C2CD3: variants seen among roughly 807,000 people sequenced by gnomAD.
C2CD3 encodes the protein C2 domain containing 3 centriole elongation regulator.
A neutral mutation model predicts 234.0 loss-of-function variants in C2CD3; 148 were observed. That is an observed-to-expected ratio of 0.63 (90% CI 0.55 to 0.72). The LOEUF (loss-of-function observed/expected upper bound fraction) is 0.72, where lower values mean the gene tolerates loss of function less well. Among genes scored for constraint, C2CD3 ranks in the 30% least tolerant of loss-of-function variants. C2CD3 has a pLI of 0.00. For missense variants in C2CD3, 2,577 were observed against 2,811.5 expected, an observed-to-expected ratio of 0.92 and a Z score of 1.89; for synonymous variants, 1,000 against 1,035.4, an observed-to-expected ratio of 0.97 and a Z score of 0.66.
At chr11:74,125,616 G>A (rs545032818) in intron 7 of C2CD3, among the ~76,000 whole-genome samples, 11 of 152,152 alleles carry the variant, frequency 7.2e-5, no homozygotes, top group Non-Finnish European at 1.3e-4. Context: ...TCTCTATTTA[G>A]TTATATTACA....
chr11:74,130,766 T>C (rs1306767270), intron 7 of C2CD3, among the ~76,000 whole-genome samples: 3 of 152,192 alleles, frequency 2.0e-5, no homozygotes, highest in Admixed American at 2.0e-4. Context: ...AGCTTTAAAA[T>C]TGGAAAGTGT....
chr11:74,050,884 G>A (rs562758046), intron 26 of C2CD3, among the ~76,000 whole-genome samples: 6 of 151,560 alleles, frequency 4.0e-5, no homozygotes, highest in Non-Finnish European at 5.9e-5. Flanking sequence ...GGACAAAGGA[G>A]CAGTGTGCCA....
chr11:74,057,236 C>A (rs1043577545), intron 25 of C2CD3, among the ~76,000 whole-genome samples, 170 bp downstream of exon 25: 1 of 152,200 alleles, frequency 6.6e-6, no homozygotes, highest in Admixed American at 6.5e-5. Context: ...AACCTTTAAA[C>A]CACTGCTTCC....
chr11:74,079,057 T>C (rs1955207941), intron 22 of C2CD3, among the ~76,000 whole-genome samples: 1 of 152,134 alleles, frequency 6.6e-6, no homozygotes, highest in Admixed American at 6.5e-5. Flanking sequence ...GTTATGATTG[T>C]CCAATGAGAT....
intron 28 of C2CD3, among the ~76,000 whole-genome samples, chr11:74,045,919 T>A (rs1481408622): frequency 2.6e-5 from 4 of 152,202 alleles, no homozygotes; most frequent in African/African-American, 9.6e-5. Context: ...GAAATACAAT[T>A]GATTTTGCTT....
In C2CD3 at chr11:74,138,968, CT is replaced by C. The variant is rs2135543856; in HGVS notation, c.708-2del. The C allele has an allele frequency of 1.9e-6, 3 of 1,601,752 alleles. No individual in the cohort carries two copies. Among genetic ancestry groups the C allele is most frequent in the Non-Finnish European group, 2.6e-6 (3 of 1,173,476 alleles). The stretch of plus-strand genomic sequence containing the variant: ...TGCAAAGCATACATGGTCTTTTCCC[CT>C]GTTTTTTTAAAAAGGGAGAACATCA... On this transcript the variant is annotated splice_acceptor_variant, in intron 4 of 32. Coordinates refer to ENST00000334126, the MANE Select transcript of C2CD3 (RefSeq NM_001286577.2). LOFTEE classifies it high-confidence loss of function.
At chr11:74,054,194 C>T (rs1249642184) in intron 26 of C2CD3, among the ~76,000 whole-genome samples, 2 of 150,914 alleles carry the variant, frequency 1.3e-5, no homozygotes, top group Non-Finnish European at 2.9e-5. Context: ...ATGGCGTGAA[C>T]CTGGGAGGCG....
chr11:74,091,710 T>G (rs1955900082), intron 19 of C2CD3, among the ~76,000 whole-genome samples: 1 of 152,192 alleles, frequency 6.6e-6, no homozygotes, highest in Non-Finnish European at 1.5e-5. Flanking sequence ...CAATCCCCTA[T>G]CTGCTCATGT....
intron 11 of C2CD3, among the ~76,000 whole-genome samples, chr11:74,110,967 C>T (rs1425863210): frequency 6.6e-6 from 1 of 152,178 alleles, no homozygotes; most frequent in African/African-American, 2.4e-5. Context: ...TTGCTCAATG[C>T]TTATTCCACA....
intron 27 of C2CD3, 78 bp downstream of exon 27, chr11:74,049,259 G>C (rs1953552255): frequency 4.1e-6 from 5 of 1,211,976 alleles, no homozygotes; most frequent in Middle Eastern, 2.0e-4. Context: ...AAGCCGGAGA[G>C]TGCCAAACAT....
At position 74,074,460 on chromosome 11, in the gene C2CD3, A is replaced by G; in HGVS notation, c.4744T>C (p.Ser1582Pro). ...TCATTCCTTCTGGGGAGCTGCTCAG[A>G]CTCACTGTGGCTGCTGCAGTCCATG... ...DSMDCSSHSE[S>P]EQLPRRNDEV... The change falls in exon 24 of 33, where the codon TCT (serine) becomes CCT (proline). Residue 1582 changes from serine to proline, a missense_variant. Coordinates refer to ENST00000334126, the MANE Select transcript of C2CD3 (RefSeq NM_001286577.2). 3 of 1,614,104 alleles carry G rather than the reference A, an allele frequency of 1.9e-6. No homozygotes were observed. Among genetic ancestry groups the G allele is most frequent in the Non-Finnish European group, 2.5e-6 (3 of 1,179,998 alleles).
intron 31 of C2CD3, among the ~76,000 whole-genome samples, chr11:74,030,783 T>C (rs1313621559): frequency 2.0e-5 from 3 of 152,202 alleles, no homozygotes; most frequent in Non-Finnish European, 4.4e-5. Flanking sequence ...TACAGGCACA[T>C]GCCCCAAACG....
Position 74,161,499 on chromosome 11 carries a change from C to A in C2CD3, c.383G>T (p.Arg128Ile). 6.3e-7 allele frequency: 1 copy of A among 1,597,756 alleles called. No homozygotes were observed. The highest frequency in any genetic ancestry group is 8.5e-7 in the Non-Finnish European group (1 of 1,171,282). The change falls in exon 3 of 33, where the codon AGA becomes ATA. Residue 128 changes from arginine (R) to isoleucine (I), a missense_variant. Arg to Ile is a moderately conservative substitution (Grantham distance 97). Transcript: ENST00000334126. ...ITKLDGLPIG[R>I]VQINGLAQLS... ...TTGAGCTAGTCCATTGATCTGAACT[C>A]TACCAATTGGAAGACCATCAAGTTT...
In C2CD3 at chr11:74,033,419, G is replaced by A. The variant is rs747969385; in HGVS notation, c.6741C>T (p.Asp2247=). ...CCTGCCTCTGCCTGATGTCAGAGGA[G>A]TCGATGGGTGGTCCCTTATGGTTTT... ...RRENHKGPPI[D]SSDIRQRQVT... The change falls in exon 31 of 33, where the codon GAC becomes GAT. Residue 2247 remains aspartate (D), a synonymous_variant. Transcript: ENST00000334126. The A allele has an allele frequency of 1.7e-5, 26 of 1,536,070 alleles. 1 individual carries two copies. The South Asian group carries it at 2.7e-4, about 16-fold the overall frequency.
Position 74,113,902 on chromosome 11 carries a change from A to G in C2CD3, c.1731-10T>C, listed in dbSNP as rs923454184. The G allele has an allele frequency of 6.8e-7, 1 of 1,479,638 alleles. No homozygotes were observed. The highest frequency in any genetic ancestry group is 9.2e-7 in the Non-Finnish European group (1 of 1,083,440). The allele number at this position is 1,479,638 out of a possible 1,614,324, so 91.7% of individuals were successfully genotyped here. A position where few individuals can be genotyped will look rare whatever the true frequency, so the allele number is the denominator to read the frequency against. On this transcript the variant is annotated splice_polypyrimidine_tract_variant and intron_variant, in intron 10 of 32. Transcript: ENST00000334126. ...TTCTACAAAGAAAGTGCTAAAAAGA[A>G]AAAAAAAGTGATTAAAAACTAACCA... is the stretch of plus-strand genomic sequence containing the variant.
intron 2 of C2CD3, among the ~76,000 whole-genome samples, chr11:74,163,470 C>A (rs905769991): frequency 3.9e-5 from 6 of 152,194 alleles, no homozygotes; most frequent in Non-Finnish European, 8.8e-5. Flanking sequence ...CCCCATGTGT[C>A]ATGGGAAGGA....
intron 28 of C2CD3, among the ~76,000 whole-genome samples, chr11:74,046,941 T>C (rs1953404305): frequency 6.6e-6 from 1 of 152,220 alleles, no homozygotes. Flanking sequence ...AGCTAATGTA[T>C]ATAAAGTCCA....
At chr11:74,151,146 G>A (rs1855624261) in intron 3 of C2CD3, among the ~76,000 whole-genome samples, 1 of 151,958 alleles carries the variant, frequency 6.6e-6, no homozygotes, top group Admixed American at 6.6e-5. Flanking sequence ...GGCTGATCTC[G>A]AACTCCTGAC....
At chr11:74,092,640 C>A in intron 18 of C2CD3, 52 bp from the exon 19 acceptor site, 1 of 1,478,058 alleles carries the variant, frequency 6.8e-7, no homozygotes, top group Non-Finnish European at 9.3e-7. Flanking sequence ...ATAAATGATT[C>A]AGTCTGCCCC....
Sources: gnomAD v4.1 joint callset for allele counts (sites outside exome capture counted in the v4.1 genomes callset) on GRCh38, gnomAD v4.1.1 for gene constraint, MANE v1.5 for transcripts, NCBI Gene and HGNC (gene_info 2026-07-23, HGNC 2026-07-21) for gene names.